The following DLG2 variants were observed in gnomAD, a reference collection of about 807,000 sequenced individuals.
DLG2 encodes the protein disks large homolog 2.
A neutral mutation model predicts 132.5 loss-of-function variants in DLG2; 45 were observed. The ratio of observed to expected loss-of-function variants is 0.34; its 90% confidence interval spans 0.27 to 0.44. The LOEUF (loss-of-function observed/expected upper bound fraction) is 0.44. Among genes scored for constraint, DLG2 ranks in the 20% least tolerant of loss-of-function variants. DLG2 has a pLI of 1.00. For missense variants in DLG2, 1,045 were observed against 1,196.9 expected (o/e 0.87, Z 1.87); for synonymous variants, 424 against 419.6 (o/e 1.01, Z -0.13).
intron 7 of DLG2, among the ~76,000 whole-genome samples, chr11:84,472,492 T>C (rs2099111001): frequency 6.6e-6 from 1 of 151,954 alleles, no homozygotes; most frequent in African/African-American, 2.4e-5. Flanking sequence ...TATAAGACTA[T>C]AAACCCAGCC....
chr11:85,565,399 A>C (rs1231127464), intron 3 of DLG2, among the ~76,000 whole-genome samples: 1 of 152,104 alleles, frequency 6.6e-6, no homozygotes, highest in Non-Finnish European at 1.5e-5. Flanking sequence ...TTTAAAGTAT[A>C]TAATTTAGTG....
chr11:85,432,104 C>G (rs1045786107), intron 3 of DLG2, among the ~76,000 whole-genome samples: 1 of 152,188 alleles, frequency 6.6e-6, no homozygotes, highest in Non-Finnish European at 1.5e-5. Flanking sequence ...GAAAGAAAAA[C>G]AAACAAACAG....
chr11:85,591,984 A>G (rs1460302989), intron 3 of DLG2, among the ~76,000 whole-genome samples: 1 of 152,230 alleles, frequency 6.6e-6, no homozygotes, highest in Non-Finnish European at 1.5e-5. Context: ...TCCTATTAAT[A>G]ACAAGGCTCA....
intron 7 of DLG2, among the ~76,000 whole-genome samples, chr11:84,278,414 T>A (rs2097807897): frequency 6.6e-6 from 1 of 151,898 alleles, no homozygotes. Context: ...AAAGAAATAA[T>A]AACGATTCTA....
intron 3 of DLG2, among the ~76,000 whole-genome samples, chr11:85,493,208 T>C (rs777344036): frequency 2.6e-5 from 4 of 152,168 alleles, no homozygotes; most frequent in Non-Finnish European, 5.9e-5. Flanking sequence ...ATGTATTAGA[T>C]TAAAACAAGC....
intron 6 of DLG2, among the ~76,000 whole-genome samples, chr11:84,771,246 A>C (rs1029310644): frequency 4.6e-5 from 7 of 152,194 alleles, no homozygotes; most frequent in Non-Finnish European, 8.8e-5. Flanking sequence ...ACAGTGTACA[A>C]GTGTTCCCTT....
intron 4 of DLG2, among the ~76,000 whole-genome samples, chr11:85,195,550 G>GTCTCGC (rs1346703519): frequency 2.1e-5 from 3 of 144,296 alleles, no homozygotes; most frequent in Non-Finnish European, 4.5e-5. Context: ...TTGAGACGGA[G>GTCTCGC]TCTCGCTCTG....
chr11:83,535,306 GGT>G (rs1245329218), intron 20 of DLG2, among the ~76,000 whole-genome samples: 1 of 152,124 alleles, frequency 6.6e-6, no homozygotes, highest in African/African-American at 2.4e-5. Flanking sequence ...GAGAATACAT[GGT>G]TATTTGATCA....
In DLG2 at chr11:85,223,910, T is replaced by A. The variant is rs530365759; in HGVS notation, c.186+61310A>T. ...TAAATCTCTCTGCTACCCTTCCAAC[T>A]GGATATTGTGCAGGGGTTATAAAGA... On this transcript the variant is annotated intron_variant, in intron 4 of 27. Transcript: ENST00000376104. Among the ~76,000 whole-genome samples, 186 of 152,220 alleles carry A rather than the reference T, an allele frequency of 1.2e-3. 2 individuals are homozygous for A. The Middle Eastern group carries it at 0.02, about 17-fold the overall frequency.
At chr11:84,413,845 T>C (rs2098918948) in intron 7 of DLG2, among the ~76,000 whole-genome samples, 1 of 152,184 alleles carries the variant, frequency 6.6e-6, no homozygotes, top group Non-Finnish European at 1.5e-5. Flanking sequence ...TTTTCTTCAG[T>C]ATAATTATCA....
At chr11:83,578,042 TTG>T (rs201528737) in intron 19 of DLG2, among the ~76,000 whole-genome samples, 1 of 132,464 alleles carries the variant, frequency 7.5e-6, no homozygotes. Context: ...GGGGTTTATT[TTG>T]TGTGTGTGTG....
At chr11:83,638,357 A>T (rs2065410871) in intron 18 of DLG2, among the ~76,000 whole-genome samples, 1 of 152,172 alleles carries the variant, frequency 6.6e-6, no homozygotes, top group African/African-American at 2.4e-5. Flanking sequence ...ATAGCTATAC[A>T]TTACTGTGAA....
intron 6 of DLG2, among the ~76,000 whole-genome samples, chr11:84,948,397 G>T (rs1480796172): frequency 6.6e-6 from 1 of 152,168 alleles, no homozygotes. Flanking sequence ...AGCCCTGATG[G>T]CAGTCATGTG....
intron 6 of DLG2, among the ~76,000 whole-genome samples, chr11:84,936,139 G>A (rs1044998114): frequency 6.6e-6 from 1 of 152,164 alleles, no homozygotes; most frequent in Non-Finnish European, 1.5e-5. Flanking sequence ...TACCTAGAAA[G>A]AAGAATGTTA....
intron 11 of DLG2, among the ~76,000 whole-genome samples, chr11:83,995,104 G>A (rs2093955945): frequency 6.6e-6 from 1 of 151,884 alleles, no homozygotes; most frequent in African/African-American, 2.4e-5. Flanking sequence ...TAGGAATGGG[G>A]GTTAAGACAT....
intron 3 of DLG2, among the ~76,000 whole-genome samples, chr11:85,405,449 G>T (rs778129513): frequency 1.2e-4 from 18 of 151,966 alleles, no homozygotes; most frequent in Non-Finnish European, 1.9e-4. Flanking sequence ...GAAAATCAAG[G>T]TTTACATGGA....
chr11:84,052,454 C>T (rs1415709263), intron 11 of DLG2, among the ~76,000 whole-genome samples: 3 of 151,242 alleles, frequency 2.0e-5, no homozygotes, highest in Non-Finnish European at 4.4e-5. Flanking sequence ...GTCCATCTGA[C>T]AAAGGTCTAA....
intron 6 of DLG2, among the ~76,000 whole-genome samples, chr11:85,031,464 T>C (rs1262192730): frequency 7.2e-5 from 11 of 152,164 alleles, no homozygotes; most frequent in Non-Finnish European, 1.5e-5. Context: ...TATACTTACT[T>C]TTATATGTTT....
chr11:84,576,758 G>A (rs1477937240), intron 6 of DLG2, among the ~76,000 whole-genome samples: 1 of 152,112 alleles, frequency 6.6e-6, no homozygotes, highest in Non-Finnish European at 1.5e-5. Context: ...TTCTGCAAAT[G>A]ACACAAAGAA....
Sources: allele counts gnomAD v4.1 joint callset (sites outside exome capture counted in the v4.1 genomes callset), GRCh38; gene constraint gnomAD v4.1.1; transcripts MANE v1.5; gene names NCBI Gene and HGNC (gene_info 2026-07-23, HGNC 2026-07-21).